The following MACROD2 variants were observed in gnomAD, a reference collection of about 807,000 sequenced individuals.
The protein encoded by MACROD2 is mono-ADP ribosylhydrolase 2, also known as ADP-ribose glycohydrolase MACROD2.
In MACROD2, 36 loss-of-function variants were observed where a neutral mutation model predicts 70.4. That is an observed-to-expected ratio of 0.51 (90% CI 0.39 to 0.68). MACROD2 has a LOEUF of 0.68. Ranked by LOEUF, MACROD2 falls within the 30% of genes least tolerant of loss-of-function variation. MACROD2 has a pLI of 0.00. For synonymous variants in MACROD2, 172 were observed against 178.8 expected, an observed-to-expected ratio of 0.96 and a Z score of 0.30; for missense variants, 496 against 538.4, an observed-to-expected ratio of 0.92 and a Z score of 0.78.
rs182946222 is a variant in MACROD2 at position 14,861,291 on chromosome 20, G to A, written c.418+176332G>A. 2.9e-3 allele frequency among the ~76,000 whole-genome samples: 434 copies of A among 152,164 alleles called. 2 individuals are homozygous for A. Among genetic ancestry groups the A allele is most frequent in the Admixed American group, 0.026 (404 of 15,276 alleles). On this transcript the variant is annotated intron_variant, in intron 5 of 17. Coordinates refer to ENST00000684519, the MANE Select transcript of MACROD2 (RefSeq NM_001351661.2). ...TGAGCTCTAGAGCCTCGGAGGAAGG[G>A]CATCCTGCAGAGATGTTGTTCTCAG...
chr20:14,752,719 A>G (rs114689239), intron 5 of MACROD2, among the ~76,000 whole-genome samples: 2,072 of 152,222 alleles, frequency 0.014, 58 homozygotes, highest in African/African-American at 0.046. Context: ...TCCCTGTCTC[A>G]TGCCATGCTT....
intron 3 of MACROD2, among the ~76,000 whole-genome samples, chr20:14,237,771 C>A (rs1336635773): frequency 1.3e-5 from 2 of 149,278 alleles, no homozygotes; most frequent in Non-Finnish European, 3.0e-5. Flanking sequence ...TCAATTCCCA[C>A]CTATGAGTGA....
intron 3 of MACROD2, among the ~76,000 whole-genome samples, chr20:14,137,855 G>T (rs1569175328): frequency 6.6e-6 from 1 of 152,050 alleles, no homozygotes; most frequent in South Asian, 2.1e-4. Flanking sequence ...ATGGATTGGA[G>T]AAATATTTAA....
intron 5 of MACROD2, among the ~76,000 whole-genome samples, chr20:15,050,689 T>G (rs943914141): frequency 6.6e-6 from 1 of 151,840 alleles, no homozygotes; most frequent in Non-Finnish European, 1.5e-5. Context: ...AGATGCAGGC[T>G]GCAGACATTT....
chr20:14,076,344 C>T (rs2053916032), intron 2 of MACROD2, among the ~76,000 whole-genome samples: 1 of 151,738 alleles, frequency 6.6e-6, no homozygotes, highest in African/African-American at 2.4e-5. Context: ...GGAAACTAAC[C>T]CAAATGTGTT....
chr20:14,920,745 T>C (rs574802038), intron 5 of MACROD2, among the ~76,000 whole-genome samples: 2 of 152,148 alleles, frequency 1.3e-5, no homozygotes, highest in Non-Finnish European at 2.9e-5. Flanking sequence ...ATCCTTGAAT[T>C]TTCTCTGGAA....
At chr20:14,742,967 C>T (rs1192025802) in intron 5 of MACROD2, among the ~76,000 whole-genome samples, 2 of 151,708 alleles carry the variant, frequency 1.3e-5, no homozygotes, top group Middle Eastern at 3.2e-3. Flanking sequence ...GGGGTTTCAC[C>T]GTTTTAGCCG....
chr20:14,382,495 C>T (rs548582175), intron 3 of MACROD2, among the ~76,000 whole-genome samples: 47 of 151,728 alleles, frequency 3.1e-4, no homozygotes, highest in Middle Eastern at 3.4e-3. Flanking sequence ...GTGGAGAAAC[C>T]CTGTCTCTAC....
chr20:15,782,495 T>A (rs1397549774), intron 8 of MACROD2, among the ~76,000 whole-genome samples: 3 of 151,978 alleles, frequency 2.0e-5, no homozygotes, highest in East Asian at 3.9e-4. Context: ...CTCCAAGGCC[T>A]CTTTTCAGAC....
At chr20:14,362,273 G>T (rs1484003203) in intron 3 of MACROD2, among the ~76,000 whole-genome samples, 2 of 152,086 alleles carry the variant, frequency 1.3e-5, no homozygotes, top group African/African-American at 4.8e-5. Context: ...TACTTTTATT[G>T]TCCTACTTTT....
At chr20:15,058,365 A>G (rs2075504075) in intron 5 of MACROD2, among the ~76,000 whole-genome samples, 1 of 152,030 alleles carries the variant, frequency 6.6e-6, no homozygotes, top group Non-Finnish European at 1.5e-5. Flanking sequence ...GTTGTGTTCT[A>G]TCTTGTCACT....
At chr20:14,635,374 A>G (rs969915088) in intron 4 of MACROD2, among the ~76,000 whole-genome samples, 19 of 152,148 alleles carry the variant, frequency 1.2e-4, no homozygotes, top group African/African-American at 4.6e-4. Flanking sequence ...TGTACCTAGA[A>G]AAGTCACTAA....
chr20:14,067,990 T>C (rs564295578), intron 2 of MACROD2, among the ~76,000 whole-genome samples: 3 of 152,280 alleles, frequency 2.0e-5, no homozygotes, highest in South Asian at 4.1e-4. Context: ...AATATTAACA[T>C]AGAGAAACAG....
At chr20:15,690,643 T>C (rs2050288069) in intron 8 of MACROD2, among the ~76,000 whole-genome samples, 2 of 152,206 alleles carry the variant, frequency 1.3e-5, no homozygotes, top group African/African-American at 4.8e-5. Context: ...ACTGTGAGTA[T>C]GAATTTTTGA....
intron 8 of MACROD2, among the ~76,000 whole-genome samples, chr20:15,530,592 C>T (rs1042813600): frequency 7.3e-5 from 11 of 151,390 alleles, no homozygotes; most frequent in Non-Finnish European, 1.2e-4. Context: ...ATTAGCCGGG[C>T]GTAGTGGCAG....
chr20:14,268,182 C>T (rs911038940), intron 3 of MACROD2, among the ~76,000 whole-genome samples: 4 of 151,972 alleles, frequency 2.6e-5, no homozygotes, highest in Non-Finnish European at 1.5e-5. Flanking sequence ...TTAAACAAAT[C>T]CCAGATTCAT....
At chr20:14,350,213 A>G (rs1338986725) in intron 3 of MACROD2, among the ~76,000 whole-genome samples, 2 of 152,052 alleles carry the variant, frequency 1.3e-5, no homozygotes. Flanking sequence ...TTTCTTCAGT[A>G]TACTGATTTC....
chr20:15,283,721 G>T (rs1474542402), intron 6 of MACROD2, among the ~76,000 whole-genome samples: 1 of 151,760 alleles, frequency 6.6e-6, no homozygotes, highest in African/African-American at 2.4e-5. Flanking sequence ...AAAAGAAAAA[G>T]AAAAATACAT....
At chr20:15,872,484 CCACCTTAA>C (rs1399580428) in intron 9 of MACROD2, among the ~76,000 whole-genome samples, 16 of 152,140 alleles carry the variant, frequency 1.1e-4, no homozygotes, top group Non-Finnish European at 2.9e-5. Flanking sequence ...CTTGTCACAG[CCACCTTAA>C]CACTGTGTGG....
Sources: allele counts gnomAD v4.1 joint callset (sites outside exome capture counted in the v4.1 genomes callset), GRCh38; gene constraint gnomAD v4.1.1; transcripts MANE v1.5; gene names NCBI Gene and HGNC (gene_info 2026-07-23, HGNC 2026-07-21).